SEC24B: variants seen among roughly 807,000 people sequenced by gnomAD.
SEC24B encodes the protein protein transport protein Sec24B.
Under a neutral mutation model 142.8 loss-of-function variants are expected in SEC24B, and 45 were observed. The ratio of observed to expected loss-of-function variants is 0.32; its 90% CI spans 0.25 to 0.40. The LOEUF is 0.40. SEC24B is among the 10% of genes least tolerant of loss of function. SEC24B has a pLI of 1.00. For missense variants in SEC24B, 1,409 were observed against 1,526.8 expected, an observed-to-expected ratio of 0.92 and a Z score of 1.29; for synonymous variants, 574 against 568.2, an observed-to-expected ratio of 1.01 and a Z score of -0.15.
chr4:109,452,423 C>T (rs1730204887), intron 1 of SEC24B, among the ~76,000 whole-genome samples: 2 of 152,188 alleles, frequency 1.3e-5, no homozygotes, highest in African/African-American at 4.8e-5. Context: ...GTTTGCAGCT[C>T]ACTTAGGTAA....
intron 1 of SEC24B, among the ~76,000 whole-genome samples, chr4:109,459,109 C>T (rs1262252305): frequency 6.6e-6 from 1 of 152,060 alleles, no homozygotes; most frequent in Non-Finnish European, 1.5e-5. Flanking sequence ...CACTGTGTTG[C>T]TCTACTCTTC....
intron 5 of SEC24B, among the ~76,000 whole-genome samples, chr4:109,492,554 T>C (rs1309512767): frequency 6.6e-6 from 1 of 152,228 alleles, no homozygotes; most frequent in Admixed American, 6.5e-5. Flanking sequence ...TATAATGAAC[T>C]ATGTGTTGAG....
At chr4:109,534,459 C>T (rs370292102) in intron 22 of SEC24B, among the ~76,000 whole-genome samples, 3 of 151,730 alleles carry the variant, frequency 2.0e-5, no homozygotes, top group Non-Finnish European at 2.9e-5. Context: ...TGGTGGCGGG[C>T]GCCTGTAGTC....
chr4:109,539,782 G>T lies in SEC24B; in HGVS notation c.*107G>T. 1 of 690,446 alleles carries T rather than the reference G, an allele frequency of 1.4e-6. No homozygotes were observed. 42.8% of individuals were successfully genotyped at this position (690,446 alleles called of 1,614,324 possible). On this transcript the variant is annotated 3_prime_UTR_variant, in exon 24 of 24. Coordinates refer to ENST00000265175, the MANE Select transcript of SEC24B (RefSeq NM_006323.5). ...ATGAAGGCATTTGTTAATACAAGAT[G>T]CAACGCACAGCACTCTGTCTGAGGC...
chr4:109,534,413 C>A (rs1201054651), intron 22 of SEC24B, among the ~76,000 whole-genome samples: 1 of 151,836 alleles, frequency 6.6e-6, no homozygotes, highest in Non-Finnish European at 1.5e-5. Context: ...GGTGAAACCC[C>A]ATCTCTACTA....
At chr4:109,445,479 T>C (rs1409869743) in intron 1 of SEC24B, among the ~76,000 whole-genome samples, 3 of 148,538 alleles carry the variant, frequency 2.0e-5, no homozygotes. Flanking sequence ...ATGGTCTCGA[T>C]CTGACCTCGT....
chr4:109,457,931 C>CATTTAAGGCAAT (rs1289369599), intron 1 of SEC24B, among the ~76,000 whole-genome samples: 1 of 152,172 alleles, frequency 6.6e-6, no homozygotes, highest in Non-Finnish European at 1.5e-5. Flanking sequence ...GCAATAATCA[C>CATTTAAGGCAAT]ACTTTTCCAT....
At chr4:109,486,221 A>C (rs1258777515) in intron 4 of SEC24B, among the ~76,000 whole-genome samples, 1 of 152,214 alleles carries the variant, frequency 6.6e-6, no homozygotes, top group African/African-American at 2.4e-5. Context: ...AGCAGCTCAG[A>C]GATGTCAGGT....
intron 7 of SEC24B, among the ~76,000 whole-genome samples, chr4:109,507,384 C>T (rs181380387): frequency 6.4e-4 from 96 of 150,832 alleles, no homozygotes; most frequent in Admixed American, 1.2e-3. Flanking sequence ...AAGTGATTCT[C>T]GTGCCTCAGC....
intron 12 of SEC24B, among the ~76,000 whole-genome samples, 159 bp from the exon 13 acceptor site, chr4:109,520,958 C>CTCCA: frequency 6.6e-6 from 1 of 152,306 alleles, no homozygotes; most frequent in Admixed American, 6.5e-5. Flanking sequence ...TGCCATTGCA[C>CTCCA]TCCAGCCTGG....
At chr4:109,450,750 C>CTTTTTTT (rs766975065) in intron 1 of SEC24B, 1 of 118,600 alleles carries the variant, frequency 8.4e-6, no homozygotes, top group Admixed American at 8.6e-5. Flanking sequence ...CTGTGCAATT[C>CTTTTTTT]TTTTTTTTTT....
intron 22 of SEC24B, among the ~76,000 whole-genome samples, chr4:109,534,646 T>C (rs1249432810): frequency 1.3e-5 from 2 of 152,054 alleles, no homozygotes; most frequent in African/African-American, 2.4e-5. Flanking sequence ...ATTCAAAAAA[T>C]CAATAAATCT....
At chr4:109,532,936 TTATTGATATTTG>T (rs1238340182) in intron 21 of SEC24B, among the ~76,000 whole-genome samples, 193 bp downstream of exon 21, 2 of 152,246 alleles carry the variant, frequency 1.3e-5, no homozygotes, top group African/African-American at 2.4e-5. Flanking sequence ...TATATTGATG[TTATTGATATTTG>T]TATTGATAAT....
At chr4:109,518,634 T>A (rs1723240954) in intron 11 of SEC24B, among the ~76,000 whole-genome samples, 2 of 152,060 alleles carry the variant, frequency 1.3e-5, no homozygotes, top group African/African-American at 4.8e-5. Context: ...GAGATTTGCT[T>A]TTGGTGTTTG....
At position 109,477,141 on chromosome 4, in the gene SEC24B, A is replaced by G. The variant is rs986702781; in HGVS notation, c.1060+3955A>G. 3.2e-4 allele frequency among the ~76,000 whole-genome samples: 29 copies of G among 91,164 alleles called. No individual in the cohort carries two copies. In the African/African-American group the frequency reaches 4.1e-3, roughly 13 times the overall value. 59.8% of individuals were successfully genotyped at this position (91,164 alleles called of 152,430 possible). On this transcript the variant is annotated intron_variant, in intron 3 of 23. Transcript: ENST00000265175. ...GACAGAGCGAGACTCCGTCTCAAAT[A>G]AAAAAAAAAAAAAAAAAAAAAAAAG...
intron 11 of SEC24B, 46 bp downstream of exon 11, chr4:109,516,686 A>G (rs1245256197): frequency 2.8e-6 from 3 of 1,089,640 alleles, no homozygotes; most frequent in Non-Finnish European, 4.0e-6. Flanking sequence ...TATGTTATAT[A>G]TATAAATGTG....
Position 109,494,662 on chromosome 4 carries a change from G to C in SEC24B, c.1294G>C (p.Glu432Gln), listed in dbSNP as rs1735348467. 6.2e-7 allele frequency: 1 copy of C among 1,613,936 alleles called. No homozygotes were observed. Among genetic ancestry groups the C allele is most frequent in the Non-Finnish European group, 8.5e-7 (1 of 1,180,000 alleles). Reference protein sequence around the residue: ...ASSPAPDPAPEPDPASAPAPA... With the variant: ...ASSPAPDPAPQPDPASAPAPA... ...CAGTCCTGCTCCTGATCCCGCCCCT[G>C]AACCTGATCCTGCTTCTGCTCCAGC... Residue 432 changes from glutamate to glutamine, a missense_variant, in exon 6 of 24, where the codon GAA (glutamate) becomes CAA (glutamine). Coordinates refer to ENST00000265175, the MANE Select transcript of SEC24B (RefSeq NM_006323.5).
At chr4:109,522,141 T>G (rs1285521963) in intron 14 of SEC24B, among the ~76,000 whole-genome samples, 2 of 151,206 alleles carry the variant, frequency 1.3e-5, no homozygotes, top group Non-Finnish European at 2.9e-5. Context: ...AAGCTCTGCC[T>G]TCGGGTTCAC....
Position 109,521,292 on chromosome 4 carries a change from A to C in SEC24B, c.2301+120A>C, listed in dbSNP as rs571321924. The C allele has an allele frequency of 4.2e-6, 4 of 955,758 alleles. No individual in the cohort carries two copies. The South Asian group carries it at 6.2e-5, about 15-fold the overall frequency. The allele number at this position is 955,758 out of a possible 1,614,324, so 59.2% of individuals were successfully genotyped here. A position where few individuals can be genotyped will look rare whatever the true frequency, so the allele number is the denominator to read the frequency against. ...ACAAATAATAGACAATATAAATGGCATATCTATTGACTCCTCAGTTTCCAG... is the reference window on the plus strand; with the variant it reads ...ACAAATAATAGACAATATAAATGGCCTATCTATTGACTCCTCAGTTTCCAG... On this transcript the variant is annotated intron_variant, in intron 13 of 23. Coordinates refer to ENST00000265175, the MANE Select transcript of SEC24B (RefSeq NM_006323.5).
Sources: gnomAD v4.1 joint callset for allele counts (sites outside exome capture counted in the v4.1 genomes callset) on GRCh38, gnomAD v4.1.1 for gene constraint, MANE v1.5 for transcripts, NCBI Gene and HGNC (gene_info 2026-07-23, HGNC 2026-07-21) for gene names.